Variants in AK8 observed in about 807,000 individuals in gnomAD.
AK8 encodes the protein ATP-AMP transphosphorylase 8.
Under a neutral mutation model 54.6 loss-of-function variants are expected in AK8, and 44 were observed. The observed-to-expected ratio is 0.81, with a 90% CI of 0.63 to 1.04. AK8 has a LOEUF of 1.04. Among genes scored for constraint, AK8 ranks in the 50% least tolerant of loss-of-function variants. The pLI, the probability that AK8 is intolerant of heterozygous loss-of-function variation, is 0.00. For missense variants in AK8, 555 were observed against 613.6 expected, an observed-to-expected ratio of 0.90 and a Z score of 1.01; for synonymous variants, 239 against 245.6, an observed-to-expected ratio of 0.97 and a Z score of 0.25.
At chr9:132,871,450 C>T (rs1157656281) in intron 2 of AK8, among the ~76,000 whole-genome samples, 7 of 152,128 alleles carry the variant, frequency 4.6e-5, no homozygotes, top group African/African-American at 1.7e-4. Context: ...GTTCTAATAT[C>T]CATAAAAGCT....
chr9:132,794,926 C>T (rs1402216358), intron 10 of AK8, among the ~76,000 whole-genome samples: 1 of 152,208 alleles, frequency 6.6e-6, no homozygotes, highest in East Asian at 1.9e-4. Context: ...GACCGGCTCA[C>T]ACCGCATTTA....
intron 11 of AK8, among the ~76,000 whole-genome samples, chr9:132,746,299 A>G (rs1023397395): frequency 6.6e-6 from 1 of 152,194 alleles, no homozygotes; most frequent in African/African-American, 2.4e-5. Context: ...GTGGATACCT[A>G]TGAAAGAATG....
At chr9:132,853,452 A>G (rs1843050463) in intron 5 of AK8, among the ~76,000 whole-genome samples, 1 of 152,120 alleles carries the variant, frequency 6.6e-6, no homozygotes. Context: ...TGCATTATTT[A>G]TAAAAGAATT....
intron 11 of AK8, among the ~76,000 whole-genome samples, chr9:132,746,536 C>T (rs140360328): frequency 1.1e-4 from 16 of 152,242 alleles, no homozygotes; most frequent in African/African-American, 3.4e-4. Context: ...TGATAATCAC[C>T]CAATTTAGTT....
chr9:132,744,417 C>CA (rs35007270), intron 11 of AK8, among the ~76,000 whole-genome samples: 5,055 of 117,850 alleles, frequency 0.043, 252 homozygotes, highest in African/African-American at 0.13. Flanking sequence ...AGACACGTGC[C>CA]AAAAAAAAAA....
chr9:132,744,049 C>A (rs1164070230), intron 11 of AK8, among the ~76,000 whole-genome samples: 1 of 152,200 alleles, frequency 6.6e-6, no homozygotes, highest in Non-Finnish European at 1.5e-5. Context: ...CGGGGGTTGA[C>A]CCTGCTTATG....
At chr9:132,838,410 T>C (rs1842410040) in intron 5 of AK8, among the ~76,000 whole-genome samples, 1 of 152,160 alleles carries the variant, frequency 6.6e-6, no homozygotes, top group African/African-American at 2.4e-5. Flanking sequence ...AATAGAATTT[T>C]GCATTTCATG....
intron 3 of AK8, 95 bp from the exon 4 acceptor site, chr9:132,863,873 GA>G: frequency 6.1e-6 from 6 of 983,828 alleles, no homozygotes; most frequent in Non-Finnish European, 9.1e-6. Flanking sequence ...TCTCCTATGG[GA>G]AAAGGTTGGC....
In AK8 at chr9:132,799,613, A is replaced by C. The variant is rs367582353; in HGVS notation, c.980-6838T>G. ...CAGCTACAAACACACACACACACACACCACACACCCCCACACCCCTACACC... is the reference window on the plus strand; with the variant it reads ...CAGCTACAAACACACACACACACACCCCACACACCCCCACACCCCTACACC... On this transcript the variant is annotated intron_variant, in intron 10 of 12. Coordinates refer to ENST00000298545, the MANE Select transcript of AK8 (RefSeq NM_152572.3). This position sits in a 1 kb window ranked among gnomAD's most constrained non-coding sequence, Gnocchi z 5.0. 6.7e-3 allele frequency among the ~76,000 whole-genome samples: 1,017 copies of C among 150,942 alleles called. 5 individuals are homozygous for C. Among genetic ancestry groups the C allele is most frequent in the African/African-American group, 0.019 (785 of 40,796 alleles).
intron 11 of AK8, among the ~76,000 whole-genome samples, chr9:132,745,295 A>G (rs1837589055): frequency 1.3e-5 from 2 of 152,156 alleles, no homozygotes; most frequent in African/African-American, 4.8e-5. Context: ...GCATTTAACT[A>G]ATGGGGAACC....
At chr9:132,863,480 G>A (rs577617649) in intron 4 of AK8, among the ~76,000 whole-genome samples, 185 bp downstream of exon 4, 11 of 152,346 alleles carry the variant, frequency 7.2e-5, no homozygotes, top group African/African-American at 2.6e-4. Context: ...AACAGGACGT[G>A]AGCCCAGTAA....
chr9:132,731,128 T>C (rs1482606375), intron 11 of AK8, among the ~76,000 whole-genome samples: 2 of 152,202 alleles, frequency 1.3e-5, no homozygotes, highest in African/African-American at 4.8e-5. Context: ...TAAATTCTAA[T>C]GTCTAAAATC....
intron 9 of AK8, among the ~76,000 whole-genome samples, chr9:132,818,490 G>C (rs1418336746): frequency 6.6e-6 from 1 of 152,138 alleles, no homozygotes; most frequent in Non-Finnish European, 1.5e-5. Flanking sequence ...ATGGTGAGGT[G>C]TAACATTCAC....
intron 11 of AK8, among the ~76,000 whole-genome samples, chr9:132,787,170 C>T (rs1178827460): frequency 6.6e-6 from 1 of 151,976 alleles, no homozygotes; most frequent in Admixed American, 6.6e-5. Flanking sequence ...AGATCCAATA[C>T]CCAAATAACA....
chr9:132,794,001 G>A (rs752694040), intron 10 of AK8, among the ~76,000 whole-genome samples: 51 of 152,122 alleles, frequency 3.4e-4, no homozygotes, highest in Non-Finnish European at 6.3e-4. Context: ...CCAGGTGAAC[G>A]TGGAAGCAAG....
intron 5 of AK8, among the ~76,000 whole-genome samples, chr9:132,835,231 T>C (rs539475181): frequency 3.0e-4 from 45 of 152,264 alleles, no homozygotes; most frequent in African/African-American, 9.9e-4. Context: ...ATCAAGTATC[T>C]ATGGTGCCCC....
intron 11 of AK8, among the ~76,000 whole-genome samples, chr9:132,755,590 G>A (rs114798506): frequency 8.2e-4 from 125 of 152,268 alleles, no homozygotes; most frequent in African/African-American, 2.9e-3. Context: ...GGGCTTAATC[G>A]GTTTGCTGAA....
At chr9:132,798,778 TC>T (rs1221096474) in intron 10 of AK8, among the ~76,000 whole-genome samples, 7 of 152,110 alleles carry the variant, frequency 4.6e-5, no homozygotes, top group Non-Finnish European at 7.4e-5. Flanking sequence ...ATCCATTTAT[TC>T]CCCGCGGGGC....
intron 9 of AK8, among the ~76,000 whole-genome samples, chr9:132,822,489 TC>T (rs1452309017): frequency 6.6e-6 from 1 of 151,920 alleles, no homozygotes; most frequent in African/African-American, 2.4e-5. Flanking sequence ...AGGTCTCGTT[TC>T]CTTAGTAAAT....
Sources: gnomAD v4.1 joint callset for allele counts (sites outside exome capture counted in the v4.1 genomes callset) on GRCh38, gnomAD v4.1.1 for gene constraint, Gnocchi (gnomAD v3.1) non-coding constraint, MANE v1.5 for transcripts, NCBI Gene and HGNC (gene_info 2026-07-23, HGNC 2026-07-21) for gene names.